DTD1: variants seen among roughly 807,000 people sequenced by gnomAD.
The protein encoded by DTD1 is D-aminoacyl-tRNA deacylase 1, also known as D-tyrosyl-tRNA deacylase 1 homolog.
DTD1 carries 13 observed loss-of-function variants against 25.6 expected under a neutral mutation model. The observed-to-expected ratio is 0.51, with a 90% CI of 0.33 to 0.81. DTD1 has a LOEUF of 0.81. Among genes scored for constraint, DTD1 ranks in the 30% least tolerant of loss-of-function variants. The pLI is 0.02. For missense variants in DTD1, 193 were observed against 266.4 expected, an observed-to-expected ratio of 0.72 and a Z score of 1.92; for synonymous variants, 110 against 103.6, an observed-to-expected ratio of 1.06 and a Z score of -0.37.
At chr20:18,706,786 C>G (rs2061128104) in intron 4 of DTD1, among the ~76,000 whole-genome samples, 1 of 152,168 alleles carries the variant, frequency 6.6e-6, no homozygotes, top group African/African-American at 2.4e-5. Flanking sequence ...AGCAGTGTAA[C>G]TCGGTGCTCA....
chr20:18,618,030 C>T (rs1003278975), intron 3 of DTD1, among the ~76,000 whole-genome samples: 2 of 152,288 alleles, frequency 1.3e-5, no homozygotes, highest in Admixed American at 6.5e-5. Context: ...TTAAAAACAA[C>T]AGTGACATGA....
intron 5 of DTD1, among the ~76,000 whole-genome samples, chr20:18,763,087 A>ATCC (rs1304174914): frequency 6.6e-6 from 1 of 152,188 alleles, no homozygotes; most frequent in African/African-American, 2.4e-5. Flanking sequence ...TGCAAAAGCC[A>ATCC]TTTAGAAGTG....
intron 3 of DTD1, among the ~76,000 whole-genome samples, chr20:18,619,471 C>T (rs11906641): frequency 0.025 from 3,839 of 152,190 alleles, 80 homozygotes; most frequent in South Asian, 0.045. Flanking sequence ...GTTGTCCAGG[C>T]TGGAATGCAG....
intron 4 of DTD1, chr20:18,632,093 G>A (rs1600332534): frequency 3.2e-6 from 3 of 927,156 alleles, no homozygotes; most frequent in Non-Finnish European, 3.9e-6. Flanking sequence ...TTACTTGACT[G>A]TAGTAATCAC....
intron 4 of DTD1, among the ~76,000 whole-genome samples, chr20:18,736,858 G>C (rs917433676): frequency 1.3e-5 from 2 of 152,198 alleles, no homozygotes; most frequent in Admixed American, 6.5e-5. Context: ...TGCCTGGCCT[G>C]ATCTTGCAAA....
chr20:18,651,482 A>G (rs1397005626), intron 4 of DTD1, among the ~76,000 whole-genome samples: 3 of 152,246 alleles, frequency 2.0e-5, no homozygotes, highest in African/African-American at 7.2e-5. Flanking sequence ...TTGTTGGTAC[A>G]TAATCTGCCT....
At chr20:18,757,553 T>G (rs182827373) in intron 5 of DTD1, among the ~76,000 whole-genome samples, 121 of 152,368 alleles carry the variant, frequency 7.9e-4, no homozygotes, top group African/African-American at 2.9e-3. Context: ...TCGTTGGTTC[T>G]GTTTATATGC....
intron 4 of DTD1, chr20:18,631,661 C>T (rs2122319464): frequency 1.0e-6 from 1 of 985,418 alleles, no homozygotes; most frequent in East Asian, 1.1e-4. Context: ...CTGCTGCCCA[C>T]TTTTGCCCCT....
chr20:18,718,462 A>T (rs992643105), intron 4 of DTD1, among the ~76,000 whole-genome samples: 6 of 152,180 alleles, frequency 3.9e-5, no homozygotes, highest in African/African-American at 1.4e-4. Flanking sequence ...AATGAGGGGG[A>T]GACATGTTTA....
At chr20:18,649,580 G>A (rs968523068) in intron 4 of DTD1, among the ~76,000 whole-genome samples, 2 of 151,794 alleles carry the variant, frequency 1.3e-5, no homozygotes, top group Non-Finnish European at 2.9e-5. Context: ...CTCGTGATCC[G>A]CCCGCCTTGG....
intron 4 of DTD1, among the ~76,000 whole-genome samples, chr20:18,673,680 T>C (rs2060959110): frequency 6.6e-6 from 1 of 152,164 alleles, no homozygotes; most frequent in South Asian, 2.1e-4. Context: ...TAGTTTGGGC[T>C]CCGGGGAACA....
At chr20:18,619,062 C>T (rs1034847676) in intron 3 of DTD1, among the ~76,000 whole-genome samples, 6 of 152,198 alleles carry the variant, frequency 3.9e-5, no homozygotes, top group Non-Finnish European at 5.9e-5. Flanking sequence ...CCAGGCTGGT[C>T]TCAAGTTCCT....
intron 3 of DTD1, among the ~76,000 whole-genome samples, chr20:18,626,949 A>G (rs567672906): frequency 4.3e-4 from 65 of 152,324 alleles, no homozygotes; most frequent in Non-Finnish European, 7.5e-4. Flanking sequence ...TAATTTTAGC[A>G]TGCAATTAAA....
chr20:18,636,153 T>TA lies in DTD1; in HGVS notation c.477+7929dup, dbSNP rs748851242. 6.5e-3 allele frequency among the ~76,000 whole-genome samples: 985 copies of TA among 151,246 alleles called. 11 individuals are homozygous for TA. The highest frequency in any genetic ancestry group is 0.022 in the African/African-American group (923 of 41,232). On this transcript the variant is annotated intron_variant, in intron 4 of 5. Transcript: ENST00000377452. ...CTTATAATCTCATTTGTGTGTGTGTTAAAAAAAAACGAACTCCTTACCTTG... is the reference window on the plus strand; with the variant it reads ...CTTATAATCTCATTTGTGTGTGTGTTAAAAAAAAAACGAACTCCTTACCTTG...
intron 4 of DTD1, among the ~76,000 whole-genome samples, chr20:18,654,118 G>A (rs2060883648): frequency 6.6e-6 from 1 of 152,222 alleles, no homozygotes; most frequent in Non-Finnish European, 1.5e-5. Context: ...GTGGGTGGAT[G>A]ATATGTTTTG....
chr20:18,761,265 A>T (rs1302784651), intron 5 of DTD1, among the ~76,000 whole-genome samples: 1 of 151,998 alleles, frequency 6.6e-6, no homozygotes, highest in Non-Finnish European at 1.5e-5. Flanking sequence ...AGTGAGATGA[A>T]CCCTGTACCT....
At chr20:18,662,954 A>T (rs770240249) in intron 4 of DTD1, among the ~76,000 whole-genome samples, 2 of 152,094 alleles carry the variant, frequency 1.3e-5, no homozygotes, top group African/African-American at 2.4e-5. Flanking sequence ...TGTAGTGGGA[A>T]TGGGGAATGA....
intron 4 of DTD1, among the ~76,000 whole-genome samples, chr20:18,731,805 T>C (rs1251232914): frequency 2.0e-5 from 3 of 152,242 alleles, no homozygotes; most frequent in Admixed American, 6.5e-5. Flanking sequence ...TGTTATATCC[T>C]ATAATCTTTG....
chr20:18,660,834 G>A (rs1331434984), intron 4 of DTD1, among the ~76,000 whole-genome samples: 1 of 152,142 alleles, frequency 6.6e-6, no homozygotes, highest in Non-Finnish European at 1.5e-5. Flanking sequence ...TATGTCACAT[G>A]CAATTGTAAG....
Sources: gnomAD v4.1 joint callset for allele counts (sites outside exome capture counted in the v4.1 genomes callset) on GRCh38, gnomAD v4.1.1 for gene constraint, MANE v1.5 for transcripts, NCBI Gene and HGNC (gene_info 2026-07-23, HGNC 2026-07-21) for gene names.